The following FCN2 variants were observed in gnomAD, a reference collection of about 807,000 sequenced individuals.
FCN2 encodes ficolin-2.
A neutral mutation model predicts 32.5 loss-of-function variants in FCN2; 31 were observed. The ratio of observed to expected loss-of-function variants is 0.96; its 90% CI spans 0.72 to 1.29. FCN2 has a LOEUF of 1.29. Among genes scored for constraint, FCN2 ranks in the 50% most tolerant of loss-of-function variants. The pLI, the probability that FCN2 is intolerant of heterozygous loss-of-function variation, is 0.00. For synonymous variants in FCN2, 181 were observed against 164.5 expected, an observed-to-expected ratio of 1.10 and a Z score of -0.77; for missense variants, 412 against 406.5, an observed-to-expected ratio of 1.01 and a Z score of -0.12.
chr9:134,867,184 T>C, the FCN2 span, among the ~76,000 whole-genome samples: 3 of 116,238 alleles, frequency 2.6e-5, no homozygotes, highest in Non-Finnish European at 5.1e-5. Flanking sequence ...TAAAGACACA[T>C]GCACACGTAT....
chr9:134,865,028 G>A, the FCN2 span, among the ~76,000 whole-genome samples: 2 of 152,216 alleles, frequency 1.3e-5, no homozygotes, highest in East Asian at 1.9e-4. Flanking sequence ...GGGCGCTGGC[G>A]GGCAGTGGGC....
intron 2 of FCN2, among the ~76,000 whole-genome samples, chr9:134,883,088 G>T (rs1192443669): frequency 6.6e-6 from 1 of 152,184 alleles, no homozygotes; most frequent in Non-Finnish European, 1.5e-5. Context: ...TCCAGCTCCC[G>T]GCCCCTGAGT....
At chr9:134,879,950 T>C (rs770682720), upstream of FCN2, among the ~76,000 whole-genome samples, 9 of 152,236 alleles carry the variant, frequency 5.9e-5, no homozygotes, top group Non-Finnish European at 1.2e-4. Flanking sequence ...GTCTCTAACC[T>C]GGCTCAGTCC....
At position 134,886,513 on chromosome 9, in the gene FCN2, G is replaced by A. The variant is rs369954653; in HGVS notation, c.643G>A (p.Glu215Lys). The change falls in exon 7 of 8, where the codon GAG becomes AAG. Residue 215 changes from glutamate to lysine, a missense_variant. By Grantham distance (56) the Glu-to-Lys change is moderately conservative. Transcript: ENST00000291744. ...AKYRSFKVAD[E>K]AEKYNLVLGA... ...GTACAGATCATTCAAGGTGGCCGAC[G>A]AGGCGGAGAAGTACAATCTGGTCCT... The A allele has an allele frequency of 1.3e-4, 206 of 1,614,072 alleles. No homozygotes were observed. Among genetic ancestry groups the A allele is most frequent in the Non-Finnish European group, 1.5e-4 (174 of 1,180,028 alleles).
At position 134,882,719 on chromosome 9, in the gene FCN2, G is replaced by C. The variant is rs75577478; in HGVS notation, c.214+80G>C. The C allele has an allele frequency of 1.3e-3, 1,297 of 999,720 alleles. 11 individuals are homozygous for C. The African/African-American group carries it at 0.018, about 14-fold the overall frequency. The allele number at this position is 999,720 out of a possible 1,614,324, so 61.9% of individuals were successfully genotyped here. A position where few individuals can be genotyped will look rare whatever the true frequency, so the allele number is the denominator to read the frequency against. On this transcript the variant is annotated intron_variant, in intron 2 of 7. Transcript: ENST00000291744. ...CTGAGTTGGGCAACACCCCCACCAT[G>C]GTTCCTAGATCGAGAGCTGGGTCAG... is the stretch of plus-strand genomic sequence containing the variant.
At chr9:134,880,048 T>C (rs1344960570), upstream of FCN2, among the ~76,000 whole-genome samples, 2 of 152,112 alleles carry the variant, frequency 1.3e-5, no homozygotes, top group African/African-American at 4.8e-5. Flanking sequence ...ACAGGTGGGA[T>C]GTCTGGCCTC....
At chr9:134,879,971 T>C (rs1040364654), upstream of FCN2, among the ~76,000 whole-genome samples, 2 of 151,922 alleles carry the variant, frequency 1.3e-5, no homozygotes, top group South Asian at 2.1e-4. Flanking sequence ...AAGGCGAGAG[T>C]GCACCTTCAG....
At chr9:134,871,944 C>G in the FCN2 span, among the ~76,000 whole-genome samples, 1 of 151,778 alleles carries the variant, frequency 6.6e-6, no homozygotes, top group African/African-American at 2.4e-5. Flanking sequence ...CCACCCCCAC[C>G]CGGCCCCACT....
Position 134,886,583 on chromosome 9 carries a change from CTG to C in FCN2, c.694+24_694+25del. 1 of 1,613,258 alleles carries C rather than the reference CTG, an allele frequency of 6.2e-7. No individual in the cohort carries two copies. The highest frequency in any genetic ancestry group is 8.5e-7 in the Non-Finnish European group (1 of 1,179,398). ...AGTGCGGGTGAGTGTCTGCTTGGGG[CTG>C]TGTGGCCTGGGCTTCTGAGGGGGGT... is the stretch of plus-strand genomic sequence containing the variant. On this transcript the variant is annotated intron_variant, in intron 7 of 7. Coordinates refer to ENST00000291744, the MANE Select transcript of FCN2 (RefSeq NM_004108.3).
upstream of FCN2, among the ~76,000 whole-genome samples, chr9:134,879,733 G>A (rs563321209): frequency 7.9e-5 from 12 of 152,288 alleles, no homozygotes; most frequent in South Asian, 4.1e-4. Flanking sequence ...AGGAAAATCC[G>A]ATGGGATTTT....
the FCN2 span, among the ~76,000 whole-genome samples, chr9:134,874,928 T>A: frequency 1.3e-5 from 2 of 152,224 alleles, no homozygotes; most frequent in Non-Finnish European, 2.9e-5. Context: ...TTTGATTGGA[T>A]TTATCCATAA....
intron 1 of FCN2, 115 bp downstream of exon 1, chr9:134,881,036 C>T (rs1830656222): frequency 1.3e-6 from 1 of 762,440 alleles, no homozygotes; most frequent in Non-Finnish European, 2.3e-6. Context: ...GGAGCATCGT[C>T]TAACGAGACA....
the FCN2 span, among the ~76,000 whole-genome samples, chr9:134,869,939 A>AG: frequency 2.4e-3 from 351 of 147,976 alleles, 1 homozygote; most frequent in African/African-American, 5.9e-3. Flanking sequence ...TGGCTGCAGG[A>AG]GGGGGGGGCC....
the FCN2 span, among the ~76,000 whole-genome samples, chr9:134,866,076 C>T: frequency 6.6e-5 from 10 of 151,112 alleles, no homozygotes; most frequent in East Asian, 1.9e-3. Flanking sequence ...AGGTAATTTA[C>T]AGATTCAATG....
the FCN2 span, among the ~76,000 whole-genome samples, chr9:134,865,188 C>G: frequency 6.6e-6 from 1 of 152,204 alleles, no homozygotes; most frequent in Non-Finnish European, 1.5e-5. Context: ...CTGATGTAGC[C>G]CAGTGAGGTC....
At chr9:134,867,894 A>G in the FCN2 span, among the ~76,000 whole-genome samples, 2 of 152,200 alleles carry the variant, frequency 1.3e-5, no homozygotes, top group Non-Finnish European at 2.9e-5. Flanking sequence ...GAAAGTGCCC[A>G]CTGTTTATTA....
chr9:134,869,011 T>C, the FCN2 span, among the ~76,000 whole-genome samples: 1 of 152,174 alleles, frequency 6.6e-6, no homozygotes, highest in Non-Finnish European at 1.5e-5. Context: ...AATAGAGTAG[T>C]TGGGACGGAG....
chr9:134,871,200 A>G, the FCN2 span, among the ~76,000 whole-genome samples: 1 of 152,204 alleles, frequency 6.6e-6, no homozygotes, highest in African/African-American at 2.4e-5. Flanking sequence ...GCAGGGCAAT[A>G]TTCCAGGATC....
chr9:134,872,885 G>A, the FCN2 span, among the ~76,000 whole-genome samples: 23 of 152,268 alleles, frequency 1.5e-4, no homozygotes, highest in African/African-American at 5.3e-4. Flanking sequence ...AGGCTGCACC[G>A]CTTAATCCAG....
Sources: allele counts gnomAD v4.1 joint callset (sites outside exome capture counted in the v4.1 genomes callset), GRCh38; gene constraint gnomAD v4.1.1; transcripts MANE v1.5; gene names NCBI Gene and HGNC (gene_info 2026-07-23, HGNC 2026-07-21).